Variants in MYRIP observed in about 807,000 individuals in gnomAD.
MYRIP encodes myosin VIIA and Rab interacting protein, also known as rab effector MyRIP.
In MYRIP, 49 loss-of-function variants were observed where a neutral mutation model predicts 98.0. The observed-to-expected ratio is 0.50, with a 90% CI of 0.40 to 0.63. The LOEUF is 0.63. Among genes scored for constraint, MYRIP ranks in the 30% least tolerant of loss-of-function variants. The probability of loss-of-function intolerance (pLI) is 0.00; values close to 1 mark genes in which losing one functional copy is unlikely to be tolerated. For synonymous variants in MYRIP, 404 were observed against 409.5 expected (o/e 0.99, Z 0.16); for missense variants, 1,004 against 1,058.2 (o/e 0.95, Z 0.71).
intron 2 of MYRIP, among the ~76,000 whole-genome samples, chr3:39,929,718 G>A (rs567709859): frequency 1.8e-4 from 28 of 151,960 alleles, no homozygotes; most frequent in Admixed American, 3.3e-4. Context: ...AAGTTTCATC[G>A]CTCCAAAAAG....
chr3:39,943,400 A>G (rs1420160568), intron 2 of MYRIP, among the ~76,000 whole-genome samples: 1 of 152,098 alleles, frequency 6.6e-6, no homozygotes, highest in Non-Finnish European at 1.5e-5. Flanking sequence ...CTGATTTTAG[A>G]GCAGGTTCTT....
At chr3:40,181,014 C>T (rs1226158465) in intron 8 of MYRIP, among the ~76,000 whole-genome samples, 1 of 152,234 alleles carries the variant, frequency 6.6e-6, no homozygotes, top group Non-Finnish European at 1.5e-5. Context: ...GTGCATCTTC[C>T]TCTTCCAACC....
chr3:40,106,625 ATTGT>A lies in MYRIP; in HGVS notation c.333-44415_333-44412del, dbSNP rs1362992267. 7.2e-5 allele frequency among the ~76,000 whole-genome samples: 11 copies of A among 152,080 alleles called. No individual in the cohort carries two copies. In the Middle Eastern group the frequency reaches 0.01, roughly 141 times the overall value. ...CCACTTTCCTTCTGTTCTTATTTAA[ATTGT>A]TTGTTTGGTCCATCAGAGAGTGAGA... On this transcript the variant is annotated intron_variant, in intron 3 of 16. Coordinates refer to ENST00000302541, the MANE Select transcript of MYRIP (RefSeq NM_015460.4).
intron 1 of MYRIP, among the ~76,000 whole-genome samples, chr3:39,851,243 A>ACT (rs71091773): frequency 0.2 from 30,591 of 152,004 alleles, 3,187 homozygotes; most frequent in South Asian, 0.29. Context: ...CAGAGCCCAG[A>ACT]CTCTGCAGTG....
intron 3 of MYRIP, among the ~76,000 whole-genome samples, chr3:40,123,429 G>C (rs1949447808): frequency 6.6e-6 from 1 of 152,206 alleles, no homozygotes; most frequent in African/African-American, 2.4e-5. Flanking sequence ...AGAGACTGTG[G>C]CTGGAGCAAC....
chr3:39,995,494 A>G (rs1946322809), intron 2 of MYRIP, among the ~76,000 whole-genome samples: 1 of 152,306 alleles, frequency 6.6e-6, no homozygotes, highest in African/African-American at 2.4e-5. Context: ...AGAAAAAAGA[A>G]TAAAAGAAAC....
chr3:40,168,294 C>G (rs567510085), intron 7 of MYRIP, among the ~76,000 whole-genome samples: 3 of 152,194 alleles, frequency 2.0e-5, no homozygotes, highest in African/African-American at 4.8e-5. Context: ...GTAACCGCAT[C>G]CTAAGTTGAA....
intron 2 of MYRIP, among the ~76,000 whole-genome samples, chr3:39,959,666 G>A (rs1164223816): frequency 1.4e-5 from 2 of 144,306 alleles, no homozygotes; most frequent in African/African-American, 2.8e-5. Flanking sequence ...AGTACTTAAA[G>A]TATACTTTAA....
Position 40,250,651 on chromosome 3 carries a change from G to A in MYRIP, c.2428+152G>A, listed in dbSNP as rs1953346282. On this transcript the variant is annotated intron_variant, in intron 15 of 16. Transcript: ENST00000302541. ...TATCTTGATTTGGGTCCCCCCAGAAGCAAACCCTGGGACAAGGATAGGAGT... is the reference window on the plus strand; with the variant it reads ...TATCTTGATTTGGGTCCCCCCAGAAACAAACCCTGGGACAAGGATAGGAGT... 5.9e-6 allele frequency: 5 copies of A among 846,326 alleles called. No homozygotes were observed. In the South Asian group the frequency reaches 8.4e-5, roughly 14 times the overall value. 52.4% of individuals were successfully genotyped at this position (846,326 alleles called of 1,614,324 possible).
intron 1 of MYRIP, among the ~76,000 whole-genome samples, chr3:39,874,679 C>G (rs966608254): frequency 1.2e-4 from 18 of 152,158 alleles, no homozygotes; most frequent in African/African-American, 4.3e-4. Context: ...CCTTGCATCC[C>G]AGGGATGAAG....
intron 1 of MYRIP, chr3:39,810,565 G>A (rs1940643024): frequency 6.6e-6 from 1 of 152,282 alleles, no homozygotes; most frequent in East Asian, 1.9e-4. Context: ...CCAATCCCAG[G>A]GGGCTCTACA....
At chr3:39,959,273 C>G (rs1459383690) in intron 2 of MYRIP, among the ~76,000 whole-genome samples, 1 of 152,146 alleles carries the variant, frequency 6.6e-6, no homozygotes, top group Non-Finnish European at 1.5e-5. Flanking sequence ...GGAACCAACC[C>G]AAATGTCCAT....
chr3:39,830,199 C>T (rs1941397916), intron 1 of MYRIP, among the ~76,000 whole-genome samples: 2 of 152,142 alleles, frequency 1.3e-5, no homozygotes, highest in Non-Finnish European at 2.9e-5. Context: ...CCTTCATACA[C>T]CCTCACTTCA....
intron 16 of MYRIP, among the ~76,000 whole-genome samples, chr3:40,257,606 T>C (rs1953640686): frequency 6.6e-6 from 1 of 152,168 alleles, no homozygotes; most frequent in Admixed American, 6.5e-5. Context: ...CTTAATCCAA[T>C]TTTCATAAAA....
At chr3:40,068,871 A>G (rs1948171430) in intron 3 of MYRIP, among the ~76,000 whole-genome samples, 1 of 152,172 alleles carries the variant, frequency 6.6e-6, no homozygotes, top group Non-Finnish European at 1.5e-5. Context: ...ATTCATATCC[A>G]CTGCACGCCA....
At chr3:39,811,444 C>T (rs1436587235) in intron 1 of MYRIP, among the ~76,000 whole-genome samples, 3 of 152,050 alleles carry the variant, frequency 2.0e-5, no homozygotes, top group Non-Finnish European at 4.4e-5. Context: ...AAAAATTTTA[C>T]AGCAATATCT....
rs187273391 is a variant in MYRIP, at chr3:39,957,219, A to G, written c.110+56293A>G. 1.5e-4 allele frequency among the ~76,000 whole-genome samples: 23 copies of G among 151,884 alleles called. No individual in the cohort carries two copies. The East Asian group carries it at 4.1e-3, about 27-fold the overall frequency. The stretch of plus-strand genomic sequence containing the variant: ...CCTGATACCAAAGCCTGACAGGGAC[A>G]CACCAAAAAAGAGAATTTTAGACCA... On this transcript the variant is annotated intron_variant, in intron 2 of 16. Coordinates refer to ENST00000302541, the MANE Select transcript of MYRIP (RefSeq NM_015460.4).
At chr3:40,025,994 C>A (rs570279112) in intron 2 of MYRIP, among the ~76,000 whole-genome samples, 63 of 152,226 alleles carry the variant, frequency 4.1e-4, no homozygotes, top group Admixed American at 2.2e-3. Flanking sequence ...GATTCGAGAG[C>A]AGAGAACCAG....
At chr3:39,973,072 G>C (rs370086593) in intron 2 of MYRIP, among the ~76,000 whole-genome samples, 5 of 151,916 alleles carry the variant, frequency 3.3e-5, no homozygotes, top group African/African-American at 7.2e-5. Flanking sequence ...AGAAATAATT[G>C]GGCTAAATGC....
Sources: gnomAD v4.1 joint callset for allele counts (sites outside exome capture counted in the v4.1 genomes callset) on GRCh38, gnomAD v4.1.1 for gene constraint, MANE v1.5 for transcripts, NCBI Gene and HGNC (gene_info 2026-07-23, HGNC 2026-07-21) for gene names.